The following PDS5A variants were observed in gnomAD, a reference collection of about 807,000 sequenced individuals.
The protein encoded by PDS5A is sister chromatid cohesion protein PDS5 homolog A.
In PDS5A, 42 loss-of-function variants were observed where a neutral mutation model predicts 167.1. The observed-to-expected ratio is 0.25, with a 90% CI of 0.20 to 0.33. The LOEUF is 0.33. Ranked by LOEUF, PDS5A falls within the 10% of genes least tolerant of loss-of-function variation. PDS5A has a pLI of 1.00. For missense variants in PDS5A, 1,033 were observed against 1,605.9 expected, an observed-to-expected ratio of 0.64 and a Z score of 6.10; for synonymous variants, 553 against 554.6, an observed-to-expected ratio of 1.00 and a Z score of 0.04.
chr4:39,955,770 A>C (rs1044577574), intron 2 of PDS5A, among the ~76,000 whole-genome samples: 3 of 151,884 alleles, frequency 2.0e-5, no homozygotes, highest in African/African-American at 7.3e-5. Context: ...ACATTCCAGC[A>C]ATTTGGCTGT....
intron 13 of PDS5A, 57 bp from the exon 14 acceptor site, chr4:39,900,564 G>T: frequency 8.8e-7 from 1 of 1,131,000 alleles, no homozygotes; most frequent in Non-Finnish European, 1.3e-6. Flanking sequence ...AAATTATTCA[G>T]CTTTACAACC....
chr4:39,942,208 T>C (rs1727289283), intron 2 of PDS5A, among the ~76,000 whole-genome samples: 1 of 152,218 alleles, frequency 6.6e-6, no homozygotes. Flanking sequence ...TATGTTTATA[T>C]ATAATTATAA....
intron 3 of PDS5A, among the ~76,000 whole-genome samples, chr4:39,927,495 T>C (rs1266284863): frequency 1.3e-5 from 2 of 151,856 alleles, no homozygotes; most frequent in Admixed American, 6.6e-5. Flanking sequence ...AAATACAAAA[T>C]CTCCCCAAGA....
At chr4:39,943,477 C>T (rs1727423243) in intron 2 of PDS5A, among the ~76,000 whole-genome samples, 2 of 151,888 alleles carry the variant, frequency 1.3e-5, no homozygotes, top group South Asian at 4.2e-4. Flanking sequence ...ACTCCAAACC[C>T]AATTCTATTT....
chr4:39,976,328 G>A (rs1731076556), intron 2 of PDS5A, 112 bp downstream of exon 2: 3 of 744,146 alleles, frequency 4.0e-6, no homozygotes, highest in Non-Finnish European at 6.7e-6. Context: ...CTTTCAGAGG[G>A]GGTAAGAGAT....
intron 22 of PDS5A, among the ~76,000 whole-genome samples, chr4:39,868,119 C>T (rs1361251238): frequency 6.6e-6 from 1 of 151,962 alleles, no homozygotes; most frequent in Non-Finnish European, 1.5e-5. Context: ...ATTTTAAATC[C>T]CAAATCTGCC....
chr4:39,973,678 T>A, intron 2 of PDS5A: 1 of 1,290,458 alleles, frequency 7.7e-7, no homozygotes, highest in Non-Finnish European at 1.1e-6. Flanking sequence ...GTATGTAGCT[T>A]TAGCTCAGCG....
At position 39,862,244 on chromosome 4, in the gene PDS5A, C is replaced by T. The variant is rs1348852194; in HGVS notation, c.3061G>A (p.Val1021Ile). Residue 1021 changes from valine to isoleucine, a missense_variant, in exon 26 of 33, where the codon GTT becomes ATT. By Grantham distance (29) the Val-to-Ile change is conservative (BLOSUM62 3). Transcript: ENST00000303538. ...TCTTTGATATCACGAAGCTGATCAA[C>T]ATCTTGTGATCTTGTAAAATCTGGA... is the stretch of plus-strand genomic sequence containing the variant. ...HDPDFTRSQD[V>I]DQLRDIKECL... 1 of 1,509,982 alleles carries T rather than the reference C, an allele frequency of 6.6e-7. No individual in the cohort carries two copies. Among genetic ancestry groups the T allele is most frequent in the Non-Finnish European group, 9.0e-7 (1 of 1,111,914 alleles). 93.5% of individuals were successfully genotyped at this position (1,509,982 alleles called of 1,614,324 possible). A position where few individuals can be genotyped will look rare whatever the true frequency, so the allele number is the denominator to read the frequency against.
chr4:39,974,687 GTA>G (rs1730906602), intron 2 of PDS5A, among the ~76,000 whole-genome samples: 1 of 152,080 alleles, frequency 6.6e-6, no homozygotes, highest in South Asian at 2.1e-4. Context: ...AGGATTACAG[GTA>G]TGCGCCACCA....
At chr4:39,935,784 T>C (rs1360942127) in intron 2 of PDS5A, among the ~76,000 whole-genome samples, 1 of 152,216 alleles carries the variant, frequency 6.6e-6, no homozygotes, top group African/African-American at 2.4e-5. Flanking sequence ...GAGGTAGATA[T>C]ATAAAATGGT....
intron 2 of PDS5A, among the ~76,000 whole-genome samples, chr4:39,950,218 G>A (rs891422801): frequency 6.6e-6 from 1 of 152,056 alleles, no homozygotes; most frequent in African/African-American, 2.4e-5. Flanking sequence ...CGTTTTAAAT[G>A]GGTAAACTCT....
At chr4:39,942,702 A>G (rs1727341393) in intron 2 of PDS5A, among the ~76,000 whole-genome samples, 1 of 152,188 alleles carries the variant, frequency 6.6e-6, no homozygotes, top group African/African-American at 2.4e-5. Flanking sequence ...CTAGGACTAC[A>G]GGTATGAGTT....
At chr4:39,957,765 C>T (rs534591697) in intron 2 of PDS5A, among the ~76,000 whole-genome samples, 6 of 126,564 alleles carry the variant, frequency 4.7e-5, no homozygotes, top group African/African-American at 1.8e-4. Context: ...CCAGCCTGGG[C>T]GACAGTGTGA....
At chr4:39,879,980 TG>T in intron 17 of PDS5A, 147 bp from the exon 18 acceptor site, 1 of 516,400 alleles carries the variant, frequency 1.9e-6, no homozygotes, top group Middle Eastern at 4.7e-4. Flanking sequence ...GTCCTCTACT[TG>T]ATAACTAAAC....
At chr4:39,833,594 C>T (rs1171865884) in intron 32 of PDS5A, among the ~76,000 whole-genome samples, 3 of 152,016 alleles carry the variant, frequency 2.0e-5, no homozygotes, top group South Asian at 2.1e-4. Flanking sequence ...TTTGCCATAT[C>T]GCCCAGGCTG....
intron 28 of PDS5A, chr4:39,847,018 G>A (rs1282542159): frequency 1.3e-5 from 2 of 151,518 alleles, no homozygotes; most frequent in Non-Finnish European, 2.9e-5. Flanking sequence ...AGTGTTCTAG[G>A]GTTTATGAAT....
At chr4:39,877,673 A>AG (rs1294418791) in intron 18 of PDS5A, among the ~76,000 whole-genome samples, 5 of 151,870 alleles carry the variant, frequency 3.3e-5, no homozygotes, top group African/African-American at 1.2e-4. Context: ...TCTGTCACCT[A>AG]GGCTAGAGTA....
chr4:39,962,735 C>T (rs370500278), intron 2 of PDS5A, among the ~76,000 whole-genome samples: 23 of 152,022 alleles, frequency 1.5e-4, no homozygotes, highest in African/African-American at 4.3e-4. Flanking sequence ...ACCCAGGAGG[C>T]GGAGGTTGCA....
chr4:39,844,494 AC>A (rs1258642652), intron 30 of PDS5A, among the ~76,000 whole-genome samples, 161 bp downstream of exon 30: 31 of 145,902 alleles, frequency 2.1e-4, no homozygotes, highest in Admixed American at 1.0e-3. Context: ...AAAAAAAAAA[AC>A]AAAAAAAAAC....
Sources: gnomAD v4.1 joint callset for allele counts (sites outside exome capture counted in the v4.1 genomes callset) on GRCh38, gnomAD v4.1.1 for gene constraint, MANE v1.5 for transcripts, NCBI Gene and HGNC (gene_info 2026-07-23, HGNC 2026-07-21) for gene names.